The following CSMD3 variants were observed in gnomAD, a reference collection of about 807,000 sequenced individuals.
CSMD3 encodes the protein CUB and Sushi multiple domains 3.
CSMD3 carries 177 observed loss-of-function variants against 435.2 expected under a neutral mutation model. That is an observed-to-expected ratio of 0.41 (90% CI 0.36 to 0.46). CSMD3 has a LOEUF of 0.46. Among genes scored for constraint, CSMD3 ranks in the 20% least tolerant of loss-of-function variants. The probability of loss-of-function intolerance (pLI) is 0.34; values close to 1 mark genes in which losing one functional copy is unlikely to be tolerated. For synonymous variants in CSMD3, 1,656 were observed against 1,520.5 expected (o/e 1.09, Z -2.07); for missense variants, 4,265 against 4,504.6 (o/e 0.95, Z 1.52).
At chr8:113,395,200 T>G (rs1441749436) in intron 1 of CSMD3, among the ~76,000 whole-genome samples, 1 of 152,188 alleles carries the variant, frequency 6.6e-6, no homozygotes, top group East Asian at 1.9e-4. Flanking sequence ...ATGAATCTTT[T>G]TCTTTCCACA....
At chr8:113,156,064 C>A (rs1303334271) in intron 4 of CSMD3, among the ~76,000 whole-genome samples, 1 of 151,856 alleles carries the variant, frequency 6.6e-6, no homozygotes, top group Admixed American at 6.6e-5. Context: ...TCATTAAGTA[C>A]TTTACAGCTG....
intron 5 of CSMD3, among the ~76,000 whole-genome samples, chr8:113,095,705 A>T (rs1489657057): frequency 3.3e-5 from 5 of 152,182 alleles, no homozygotes; most frequent in African/African-American, 1.2e-4. Context: ...ACAAAATGAT[A>T]CATACAGTTT....
Position 113,399,634 on chromosome 8 carries a change from G to T in CSMD3, c.178+37043C>A, listed in dbSNP as rs980585064. Among the ~76,000 whole-genome samples, 5 of 151,964 alleles carry T rather than the reference G, an allele frequency of 3.3e-5. No individual in the cohort carries two copies. The East Asian group carries it at 9.6e-4, about 29-fold the overall frequency. ...AAAAATAGAATAGCAGCTTCCTGGGGCTGGAAGAGGGTGAGGGGAGGATCG... is the reference window on the plus strand; with the variant it reads ...AAAAATAGAATAGCAGCTTCCTGGGTCTGGAAGAGGGTGAGGGGAGGATCG... On this transcript the variant is annotated intron_variant, in intron 1 of 70. Transcript: ENST00000297405.
chr8:112,694,864 A>G lies in CSMD3; in HGVS notation c.1973-4814T>C, dbSNP rs1185730091. ...GGCCAAATAGGAACAGCTCCAGTCT[A>G]CAGCTCCCAGTGTGAGCGAAGCAGA... is the stretch of plus-strand genomic sequence containing the variant. On this transcript the variant is annotated intron_variant, in intron 13 of 70. Transcript: ENST00000297405. 2.6e-5 allele frequency among the ~76,000 whole-genome samples: 4 copies of G among 152,186 alleles called. No individual in the cohort carries two copies. In the East Asian group the frequency reaches 7.7e-4, roughly 29 times the overall value.
At position 112,685,388 on chromosome 8, in the gene CSMD3, A is replaced by G. The variant is rs2131801729; in HGVS notation, c.2482+18T>C. 6.3e-7 allele frequency: 1 copy of G among 1,599,878 alleles called. No homozygotes were observed. Among genetic ancestry groups the G allele is most frequent in the Non-Finnish European group, 8.6e-7 (1 of 1,167,782 alleles). On this transcript the variant is annotated intron_variant, in intron 15 of 70. Transcript: ENST00000297405. ...TAGAAATATATTATATGGGAAAAAA[A>G]CAGAAACAGAAACTTACTGTTGTAA...
At chr8:113,018,978 C>A in intron 6 of CSMD3, 89 bp downstream of exon 6, 1 of 895,964 alleles carries the variant, frequency 1.1e-6, no homozygotes, top group Non-Finnish European at 1.9e-6. Flanking sequence ...TTTCTAAATG[C>A]TAAAGACATT....
chr8:112,473,046 G>A (rs532242718), intron 31 of CSMD3, among the ~76,000 whole-genome samples: 1 of 152,240 alleles, frequency 6.6e-6, no homozygotes, highest in South Asian at 2.1e-4. Flanking sequence ...TATGCAAGTG[G>A]GAAATTGTTT....
chr8:112,533,965 G>T (rs1485390842), intron 27 of CSMD3, among the ~76,000 whole-genome samples: 1 of 151,912 alleles, frequency 6.6e-6, no homozygotes, highest in Non-Finnish European at 1.5e-5. Context: ...AGAAACATTA[G>T]AAATTGTACA....
intron 5 of CSMD3, among the ~76,000 whole-genome samples, chr8:113,088,521 T>C (rs2131496205): frequency 6.6e-6 from 1 of 151,494 alleles, no homozygotes; most frequent in South Asian, 2.1e-4. Flanking sequence ...CATGGAATAC[T>C]ATGCAGCCAT....
intron 9 of CSMD3, among the ~76,000 whole-genome samples, chr8:112,943,434 T>C (rs2083512775): frequency 6.6e-6 from 1 of 151,616 alleles, no homozygotes; most frequent in South Asian, 2.1e-4. Context: ...CCACGAGTTC[T>C]TTTGAATTTT....
intron 7 of CSMD3, among the ~76,000 whole-genome samples, chr8:112,962,137 CAATT>C (rs1339196351): frequency 6.6e-6 from 1 of 151,694 alleles, no homozygotes; most frequent in Non-Finnish European, 1.5e-5. Context: ...AATATCCACT[CAATT>C]TATGCACTTT....
chr8:112,679,028 C>A (rs2131764054), intron 16 of CSMD3, among the ~76,000 whole-genome samples: 3 of 148,734 alleles, frequency 2.0e-5, no homozygotes, highest in Middle Eastern at 7.5e-3. Flanking sequence ...AACCATAGTT[C>A]TCTATGTAAG....
chr8:112,224,669 C>T lies in CSMD3; in HGVS notation c.*102G>A, dbSNP rs973956243. On this transcript the variant is annotated 3_prime_UTR_variant, in exon 71 of 71. Coordinates refer to ENST00000297405, the MANE Select transcript of CSMD3 (RefSeq NM_198123.2). ...CATTCCTCAGGAAAAGGTGACCCAG[C>T]AAGTCCTGAAAAGTGTGCTTTAATT... 2.6e-6 allele frequency: 3 copies of T among 1,152,146 alleles called. No individual in the cohort carries two copies. The highest frequency in any genetic ancestry group is 3.9e-6 in the Non-Finnish European group (3 of 759,560). The allele number at this position is 1,152,146 out of a possible 1,614,324, so 71.4% of individuals were successfully genotyped here.
At chr8:113,344,569 T>G (rs1329439805) in intron 1 of CSMD3, among the ~76,000 whole-genome samples, 1 of 152,180 alleles carries the variant, frequency 6.6e-6, no homozygotes, top group African/African-American at 2.4e-5. Flanking sequence ...TCCCTAAACT[T>G]TATTTTACTT....
intron 59 of CSMD3, among the ~76,000 whole-genome samples, chr8:112,276,257 G>C (rs1818029551): frequency 6.6e-6 from 1 of 152,210 alleles, no homozygotes; most frequent in African/African-American, 2.4e-5. Context: ...ATCTTGGGCA[G>C]CTCCACCCCT....
chr8:112,594,117 T>G (rs1287430589), intron 22 of CSMD3, among the ~76,000 whole-genome samples: 2 of 152,170 alleles, frequency 1.3e-5, no homozygotes, highest in African/African-American at 4.8e-5. Flanking sequence ...CGGGTTCATC[T>G]CACTAGGGAG....
At chr8:112,483,248 T>C (rs1819802694) in intron 31 of CSMD3, among the ~76,000 whole-genome samples, 1 of 152,152 alleles carries the variant, frequency 6.6e-6, no homozygotes, top group Admixed American at 6.5e-5. Context: ...CCTAGAGCTC[T>C]GGGAGGCAGA....
At chr8:112,964,583 G>A (rs2084348895) in intron 7 of CSMD3, among the ~76,000 whole-genome samples, 1 of 151,894 alleles carries the variant, frequency 6.6e-6, no homozygotes. Flanking sequence ...TAATCATCTA[G>A]TCCTTTTAGT....
chr8:112,379,542 A>T (rs1433525990), intron 38 of CSMD3, among the ~76,000 whole-genome samples: 1 of 152,188 alleles, frequency 6.6e-6, no homozygotes, highest in Non-Finnish European at 1.5e-5. Context: ...AAATAAATAG[A>T]AATACATCCC....
Sources: allele counts gnomAD v4.1 joint callset (sites outside exome capture counted in the v4.1 genomes callset), GRCh38; gene constraint gnomAD v4.1.1; transcripts MANE v1.5; gene names NCBI Gene and HGNC (gene_info 2026-07-23, HGNC 2026-07-21).